The following PAK1 variants were observed in gnomAD, a reference collection of about 807,000 sequenced individuals.
PAK1 encodes p21 (RAC1) activated kinase 1.
A neutral mutation model predicts 67.4 loss-of-function variants in PAK1; 29 were observed. The observed-to-expected ratio is 0.43, with a 90% CI of 0.32 to 0.59. The LOEUF (loss-of-function observed/expected upper bound fraction) is 0.59. Ranked by LOEUF, PAK1 falls within the 20% of genes least tolerant of loss-of-function variation. The probability of loss-of-function intolerance (pLI) is 0.07; values close to 1 mark genes in which losing one functional copy is unlikely to be tolerated. For synonymous variants in PAK1, 223 were observed against 237.4 expected, an observed-to-expected ratio of 0.94 and a Z score of 0.56; for missense variants, 337 against 670.7, an observed-to-expected ratio of 0.50 and a Z score of 5.50.
chr11:77,527,876 C>A, the PAK1 span, among the ~76,000 whole-genome samples: 1 of 151,782 alleles, frequency 6.6e-6, no homozygotes, highest in Non-Finnish European at 1.5e-5. Context: ...GACAGGGTCT[C>A]GCTCTGTCAC....
intron 2 of PAK1, among the ~76,000 whole-genome samples, chr11:77,390,496 C>T (rs1185832029): frequency 6.7e-6 from 1 of 150,116 alleles, no homozygotes; most frequent in Admixed American, 6.6e-5. Context: ...CCACCACACC[C>T]GGCCTATTTT....
chr11:77,325,672 T>C (rs1939639641), intron 14 of PAK1, among the ~76,000 whole-genome samples: 1 of 152,152 alleles, frequency 6.6e-6, no homozygotes. Flanking sequence ...ACAACTCTCA[T>C]GAACAGCAAA....
At chr11:77,528,050 T>G in the PAK1 span, among the ~76,000 whole-genome samples, 1 of 152,038 alleles carries the variant, frequency 6.6e-6, no homozygotes, top group East Asian at 1.9e-4. Flanking sequence ...GGAATCTCAC[T>G]ATTCTGCTTA....
intron 14 of PAK1, among the ~76,000 whole-genome samples, chr11:77,326,119 A>G (rs939817823): frequency 2.0e-5 from 3 of 152,240 alleles, no homozygotes; most frequent in Non-Finnish European, 4.4e-5. Flanking sequence ...ACTAGTGGGC[A>G]ATACAATAAA....
At chr11:77,443,310 A>T (rs1434600022) in intron 1 of PAK1, among the ~76,000 whole-genome samples, 2 of 151,592 alleles carry the variant, frequency 1.3e-5, no homozygotes, top group East Asian at 3.9e-4. Flanking sequence ...TCTCTTAAAA[A>T]AAAAAAAAAA....
the PAK1 span, among the ~76,000 whole-genome samples, chr11:77,489,358 C>T: frequency 6.6e-6 from 1 of 152,006 alleles, no homozygotes; most frequent in African/African-American, 2.4e-5. Context: ...TATAAGAAAT[C>T]ATTAGAAGCT....
intron 1 of PAK1, among the ~76,000 whole-genome samples, chr11:77,419,032 G>A (rs537557456): frequency 1.3e-5 from 2 of 152,280 alleles, no homozygotes; most frequent in East Asian, 1.9e-4. Flanking sequence ...AAAACCAAAC[G>A]CTGGTTTGGT....
At chr11:77,491,112 C>A in the PAK1 span, among the ~76,000 whole-genome samples, 1 of 134,238 alleles carries the variant, frequency 7.4e-6, no homozygotes, top group South Asian at 2.3e-4. Context: ...GAGAAACACC[C>A]AAGAATGATC....
chr11:77,436,953 A>G (rs1310274326), intron 1 of PAK1, among the ~76,000 whole-genome samples: 1 of 152,222 alleles, frequency 6.6e-6, no homozygotes, highest in African/African-American at 2.4e-5. Context: ...GAGATTTTAC[A>G]CAAGCCTCTT....
the PAK1 span, among the ~76,000 whole-genome samples, chr11:77,511,551 C>T: frequency 6.6e-6 from 1 of 152,178 alleles, no homozygotes; most frequent in Non-Finnish European, 1.5e-5. Context: ...GCTCACAGCT[C>T]AGAAAATACT....
At chr11:77,478,588 C>T (rs1005027392), upstream of PAK1, among the ~76,000 whole-genome samples, 5 of 151,166 alleles carry the variant, frequency 3.3e-5, no homozygotes, top group Admixed American at 6.6e-5. Context: ...GCCTGGGCAA[C>T]ATGGCGAAAC....
the PAK1 span, among the ~76,000 whole-genome samples, chr11:77,496,006 A>T: frequency 6.8e-6 from 1 of 146,794 alleles, no homozygotes; most frequent in East Asian, 2.0e-4. Flanking sequence ...ACTTAATACC[A>T]CTGAACTGTA....
chr11:77,474,226 C>CGGT (rs1291778047), upstream of PAK1: 1 of 151,906 alleles, frequency 6.6e-6, no homozygotes, highest in Admixed American at 6.5e-5. Flanking sequence ...GCGGCGGCGG[C>CGGT]GGCTGCGGCT....
At chr11:77,413,984 G>A (rs1472541482) in intron 1 of PAK1, among the ~76,000 whole-genome samples, 4 of 152,120 alleles carry the variant, frequency 2.6e-5, no homozygotes, top group Non-Finnish European at 4.4e-5. Context: ...CTTATAGATG[G>A]TCTTCCAGGC....
intron 2 of PAK1, among the ~76,000 whole-genome samples, chr11:77,389,182 A>G (rs978725494): frequency 8.5e-5 from 13 of 152,180 alleles, no homozygotes; most frequent in Non-Finnish European, 1.5e-4. Flanking sequence ...GAATCATACT[A>G]TATGTGATCC....
chr11:77,446,947 T>A (rs1290571386), intron 1 of PAK1, among the ~76,000 whole-genome samples: 1 of 151,278 alleles, frequency 6.6e-6, no homozygotes, highest in East Asian at 1.9e-4. Context: ...ATCTAGAGCC[T>A]TGCATAGTCC....
chr11:77,522,266 G>T, the PAK1 span, among the ~76,000 whole-genome samples: 2 of 152,174 alleles, frequency 1.3e-5, no homozygotes, highest in Non-Finnish European at 2.9e-5. Flanking sequence ...AGAACATGTG[G>T]TTCCTGGGCC....
intron 1 of PAK1, among the ~76,000 whole-genome samples, chr11:77,448,466 G>T (rs1461016495): frequency 2.0e-5 from 3 of 152,172 alleles, no homozygotes; most frequent in Admixed American, 6.5e-5. Flanking sequence ...TATAAGAAAT[G>T]ATGTCATAGC....
chr11:77,467,875 A>T (rs3015993), intron 1 of PAK1, among the ~76,000 whole-genome samples: 106,523 of 152,110 alleles, frequency 0.7, 38,169 homozygotes, highest in African/African-American at 0.85. Context: ...CTCTTCCTTA[A>T]ACCCTCCCTT....
Sources: gnomAD v4.1 joint callset for allele counts (sites outside exome capture counted in the v4.1 genomes callset) on GRCh38, gnomAD v4.1.1 for gene constraint, MANE v1.5 for transcripts, NCBI Gene and HGNC (gene_info 2026-07-23, HGNC 2026-07-21) for gene names.